The following STXBP6 variants were observed in gnomAD, a reference collection of about 807,000 sequenced individuals.
STXBP6 encodes the protein syntaxin binding protein 6.
STXBP6 carries 21 observed loss-of-function variants against 26.9 expected under a neutral mutation model. The ratio of observed to expected loss-of-function variants is 0.78; its 90% CI spans 0.55 to 1.12. The LOEUF (loss-of-function observed/expected upper bound fraction) is 1.12. Among genes scored for constraint, STXBP6 ranks in the 50% most tolerant of loss-of-function variants. The probability of loss-of-function intolerance (pLI) is 0.00; values close to 1 mark genes in which losing one functional copy is unlikely to be tolerated. For missense variants in STXBP6, 232 were observed against 257.9 expected (o/e 0.90, Z 0.69); for synonymous variants, 97 against 92.6 (o/e 1.05, Z -0.27).
intron 1 of STXBP6, among the ~76,000 whole-genome samples, chr14:25,011,855 T>A (rs2075039719): frequency 6.6e-6 from 1 of 152,208 alleles, no homozygotes; most frequent in African/African-American, 2.4e-5. Context: ...CATTAACGAA[T>A]TCCACAGGCA....
intron 2 of STXBP6, among the ~76,000 whole-genome samples, chr14:24,862,713 A>G (rs1008338260): frequency 1.3e-5 from 2 of 152,194 alleles, no homozygotes; most frequent in African/African-American, 4.8e-5. Context: ...CTTTATGAAA[A>G]TGTCTTGCTT....
chr14:24,989,280 A>G (rs2074408327), intron 1 of STXBP6, among the ~76,000 whole-genome samples: 1 of 152,232 alleles, frequency 6.6e-6, no homozygotes, highest in Non-Finnish European at 1.5e-5. Flanking sequence ...CTGAGGATAC[A>G]GAAGCTGGTG....
intron 1 of STXBP6, among the ~76,000 whole-genome samples, chr14:25,015,335 C>A (rs180705931): frequency 1.8e-3 from 270 of 152,160 alleles, no homozygotes; most frequent in African/African-American, 6.2e-3. Flanking sequence ...AATGAAGGGG[C>A]CTCTTGTGCA....
intron 1 of STXBP6, among the ~76,000 whole-genome samples, chr14:25,017,574 A>G (rs1016752678): frequency 3.3e-5 from 5 of 152,236 alleles, no homozygotes; most frequent in Non-Finnish European, 7.3e-5. Flanking sequence ...GATGCAATGT[A>G]TTCAAAGATC....
Position 24,974,868 on chromosome 14 carries a change from G to A in STXBP6, c.-32-18C>T. The stretch of plus-strand genomic sequence containing the variant: ...CAGTGAATCTTTTAAAGAAGGAAAA[G>A]AAAGGAAAGTTGGAATTGACAACAT... On this transcript the variant is annotated intron_variant, in intron 1 of 5. Coordinates refer to ENST00000323944, the MANE Select transcript of STXBP6 (RefSeq NM_001394410.1). 1.3e-6 allele frequency: 2 copies of A among 1,498,924 alleles called. No homozygotes were observed. Among genetic ancestry groups the A allele is most frequent in the Admixed American group, 2.1e-5 (1 of 46,880 alleles). 92.9% of individuals were successfully genotyped at this position (1,498,924 alleles called of 1,614,324 possible). A position where few individuals can be genotyped will look rare whatever the true frequency, so the allele number is the denominator to read the frequency against.
intron 2 of STXBP6, among the ~76,000 whole-genome samples, chr14:24,920,061 G>GTT (rs2071925689): frequency 6.6e-6 from 1 of 151,992 alleles, no homozygotes; most frequent in African/African-American, 2.4e-5. Context: ...TGATTCTTAT[G>GTT]TTTAGCTTTC....
chr14:25,014,841 A>C (rs2075111691), intron 1 of STXBP6, among the ~76,000 whole-genome samples: 1 of 152,256 alleles, frequency 6.6e-6, no homozygotes, highest in African/African-American at 2.4e-5. Context: ...AATACATGAA[A>C]ACAGTACTTT....
chr14:24,901,619 T>A (rs1160967258), intron 2 of STXBP6, among the ~76,000 whole-genome samples: 2 of 152,178 alleles, frequency 1.3e-5, no homozygotes, highest in East Asian at 3.9e-4. Context: ...ACAACCCAAA[T>A]GTACATCAAC....
chr14:24,973,286 A>AT (rs986345092), intron 2 of STXBP6, among the ~76,000 whole-genome samples: 3 of 151,694 alleles, frequency 2.0e-5, no homozygotes, highest in Admixed American at 6.6e-5. Flanking sequence ...CAATAACCCA[A>AT]TTTTTTTATT....
At chr14:24,919,781 T>C (rs2071915304) in intron 2 of STXBP6, among the ~76,000 whole-genome samples, 1 of 152,044 alleles carries the variant, frequency 6.6e-6, no homozygotes, top group Admixed American at 6.6e-5. Context: ...AGGTGAGTTG[T>C]GTGTATGTAC....
chr14:24,909,398 A>G (rs2071491003), intron 2 of STXBP6, among the ~76,000 whole-genome samples: 1 of 152,234 alleles, frequency 6.6e-6, no homozygotes, highest in South Asian at 2.1e-4. Flanking sequence ...GTGGGAACTA[A>G]TGTCCAGGGA....
chr14:25,045,156 T>C (rs1293937523), intron 1 of STXBP6, among the ~76,000 whole-genome samples: 2 of 152,312 alleles, frequency 1.3e-5, no homozygotes, highest in South Asian at 2.1e-4. Flanking sequence ...AATGGAGTCC[T>C]AAAAGATACA....
At chr14:24,816,266 G>C (rs1210665892) in intron 5 of STXBP6, 1 of 146,890 alleles carries the variant, frequency 6.8e-6, no homozygotes, top group Admixed American at 6.7e-5. Flanking sequence ...TAGAATGCTT[G>C]GGTTCCATCT....
chr14:24,924,794 G>A (rs775582492), intron 2 of STXBP6, among the ~76,000 whole-genome samples: 1 of 152,156 alleles, frequency 6.6e-6, no homozygotes, highest in Non-Finnish European at 1.5e-5. Flanking sequence ...AGTCTCACAT[G>A]TCAGATTACG....
chr14:25,048,852 T>G (rs1280265244), intron 1 of STXBP6: 1 of 152,254 alleles, frequency 6.6e-6, no homozygotes, highest in Admixed American at 6.6e-5. Context: ...TTCGTCGGCA[T>G]CCTCCACAGC....
chr14:24,919,185 C>T (rs1437573600), intron 2 of STXBP6, among the ~76,000 whole-genome samples: 3 of 152,122 alleles, frequency 2.0e-5, no homozygotes, highest in Non-Finnish European at 4.4e-5. Flanking sequence ...GAGTTTAGCA[C>T]ACTCAGAAAT....
At chr14:24,894,802 T>C (rs1034977357) in intron 2 of STXBP6, among the ~76,000 whole-genome samples, 6 of 152,220 alleles carry the variant, frequency 3.9e-5, no homozygotes, top group Admixed American at 6.5e-5. Context: ...GAAAGGCTCA[T>C]GGAGACCGTG....
intron 1 of STXBP6, among the ~76,000 whole-genome samples, chr14:24,981,442 T>C (rs1566532633): frequency 6.6e-6 from 1 of 152,172 alleles, no homozygotes; most frequent in African/African-American, 2.4e-5. Context: ...GGCTAATTTT[T>C]GTATTTTAGT....
intron 2 of STXBP6, among the ~76,000 whole-genome samples, chr14:24,865,392 C>T (rs1346458013): frequency 6.6e-6 from 1 of 152,060 alleles, no homozygotes; most frequent in Non-Finnish European, 1.5e-5. Context: ...GGCAGATTCC[C>T]TGAGTTGAAG....
Sources: allele counts gnomAD v4.1 joint callset (sites outside exome capture counted in the v4.1 genomes callset), GRCh38; gene constraint gnomAD v4.1.1; transcripts MANE v1.5; gene names NCBI Gene and HGNC (gene_info 2026-07-23, HGNC 2026-07-21).